Variants in ZDHHC18 observed in about 807,000 individuals in gnomAD.
ZDHHC18 encodes the protein palmitoyltransferase ZDHHC18.
Under a neutral mutation model 37.5 loss-of-function variants are expected in ZDHHC18, and 23 were observed. That is an observed-to-expected ratio of 0.61 (90% CI 0.44 to 0.87). The LOEUF is 0.87. Ranked by LOEUF, ZDHHC18 falls within the 40% of genes least tolerant of loss-of-function variation. ZDHHC18 has a pLI of 0.00. For synonymous variants in ZDHHC18, 185 were observed against 218.7 expected, an observed-to-expected ratio of 0.85 and a Z score of 1.36; for missense variants, 406 against 525.6, an observed-to-expected ratio of 0.77 and a Z score of 2.22.
intron 5 of ZDHHC18, 27 bp from the exon 6 acceptor site, chr1:26,851,102 C>G: frequency 1.2e-6 from 2 of 1,602,696 alleles, no homozygotes; most frequent in Non-Finnish European, 1.7e-6. Context: ...CCACCCTCCA[C>G]CCATTGAAGT....
intron 2 of ZDHHC18, among the ~76,000 whole-genome samples, chr1:26,848,315 G>GAA (rs35673760): frequency 2.2e-5 from 3 of 139,054 alleles, no homozygotes; most frequent in South Asian, 2.3e-4. Flanking sequence ...TCTGCCTCAG[G>GAA]AAAAAAAAAA....
In ZDHHC18 at chr1:26,850,483, GCAAGCT is replaced by G. The variant is rs2081697060; in HGVS notation, c.784+50_784+55del. On this transcript the variant is annotated intron_variant, in intron 4 of 7. Transcript: ENST00000374142. The surrounding 1 kb of genome is among the most constrained non-coding windows in gnomAD (Gnocchi z 6.1). The stretch of plus-strand genomic sequence containing the variant: ...AGTGGGGAGTGGAAGGGGTCAGCCA[GCAAGCT>G]CAAGGGTCAGCAAGCTTCAGCAGTC... The G allele has an allele frequency of 6.2e-7, 1 of 1,614,208 alleles. No homozygotes were observed. The highest frequency in any genetic ancestry group is 1.3e-5 in the African/African-American group (1 of 75,062).
Position 26,852,856 on chromosome 1 carries a change from T to C in ZDHHC18, c.1040T>C (p.Leu347Pro). ...TGCTGTGCTGTGCTCTGTGGCCCCC[T>C]ACCTCCCAGGTAAGTGAGCGGGGTG... ...TNCCAVLCGP[L>P]PPSLIDRRGF... Residue 347 changes from leucine to proline, a missense_variant, in exon 7 of 8, where the codon CTA becomes CCA. Leu to Pro is a moderately conservative substitution (Grantham distance 98). Transcript: ENST00000374142. The C allele has an allele frequency of 6.2e-7, 1 of 1,613,804 alleles. No individual in the cohort carries two copies. The highest frequency in any genetic ancestry group is 8.5e-7 in the Non-Finnish European group (1 of 1,179,796).
intron 2 of ZDHHC18, among the ~76,000 whole-genome samples, chr1:26,841,396 C>T (rs143504554): frequency 0.012 from 1,823 of 152,134 alleles, 39 homozygotes; most frequent in African/African-American, 0.042. Context: ...AGCCTCCCAA[C>T]GTGCTGGGAT....
At chr1:26,845,955 G>C (rs2081661697) in intron 2 of ZDHHC18, among the ~76,000 whole-genome samples, 1 of 151,814 alleles carries the variant, frequency 6.6e-6, no homozygotes, top group African/African-American at 2.4e-5. Context: ...GAATGAGTTT[G>C]TCAATTTTCA....
chr1:26,836,615 C>T (rs925026678), intron 2 of ZDHHC18, among the ~76,000 whole-genome samples: 2 of 147,362 alleles, frequency 1.4e-5, no homozygotes, highest in Admixed American at 1.4e-4. Context: ...GTTGCCCAGG[C>T]TGGAGTGCAG....
chr1:26,830,682 C>T (rs149138251), intron 1 of ZDHHC18, among the ~76,000 whole-genome samples: 261 of 152,276 alleles, frequency 1.7e-3, no homozygotes, highest in Non-Finnish European at 3.0e-3. Flanking sequence ...TCCTTGGTGC[C>T]AGGTGCTGTG....
chr1:26,848,596 T>C lies in ZDHHC18; in HGVS notation c.497-12T>C. ...TTGGGCATTCCCCATCTTTCTCTCC[T>C]CCTTCCCTCAGACAACACAGGCAGT... On this transcript the variant is annotated splice_polypyrimidine_tract_variant and intron_variant, in intron 2 of 7. Coordinates refer to ENST00000374142, the MANE Select transcript of ZDHHC18 (RefSeq NM_032283.3). 1 of 1,605,750 alleles carries C rather than the reference T, an allele frequency of 6.2e-7. No individual in the cohort carries two copies. Among genetic ancestry groups the C allele is most frequent in the Non-Finnish European group, 8.5e-7 (1 of 1,172,926 alleles).
rs1285817511 is a variant in ZDHHC18 at position 26,832,466 on chromosome 1, A to G, written c.355A>G (p.Lys119Glu). Residue 119 changes from lysine to glutamate, a missense_variant, in exon 2 of 8, where the codon AAG becomes GAG. Lys to Glu is a moderately conservative substitution (Grantham distance 56, BLOSUM62 1). Coordinates refer to ENST00000374142, the MANE Select transcript of ZDHHC18 (RefSeq NM_032283.3). ...FVFDCPYLAR[K>E]LTLAIPIIAA... ...TTCTAGCTGTCCCTACCTGGCTCGCAAGCTGACCCTTGCCATCCCCATCAT... is the reference window on the plus strand; with the variant it reads ...TTCTAGCTGTCCCTACCTGGCTCGCGAGCTGACCCTTGCCATCCCCATCAT... 1.2e-6 allele frequency: 2 copies of G among 1,613,956 alleles called. No homozygotes were observed. Among genetic ancestry groups the G allele is most frequent in the Non-Finnish European group, 1.7e-6 (2 of 1,180,010 alleles).
chr1:26,827,630 A>C (rs1368523320), intron 1 of ZDHHC18, among the ~76,000 whole-genome samples: 2 of 151,528 alleles, frequency 1.3e-5, no homozygotes, highest in Non-Finnish European at 2.9e-5. Context: ...TTGGCTGTGC[A>C]CACCCACCAT....
rs193046778 is a variant in ZDHHC18, at chr1:26,829,094, G to A, written c.335+1955G>A. On this transcript the variant is annotated intron_variant, in intron 1 of 7. Coordinates refer to ENST00000374142, the MANE Select transcript of ZDHHC18 (RefSeq NM_032283.3). The stretch of plus-strand genomic sequence containing the variant: ...GTGAACCATGTTGCAGTTTGTCCCC[G>A]CTTGTCCTCATTGGGGGCTGGTAGA... Among the ~76,000 whole-genome samples, 30 of 152,236 alleles carry A rather than the reference G, an allele frequency of 2.0e-4. No homozygotes were observed. The East Asian group carries it at 4.3e-3, about 22-fold the overall frequency.
At chr1:26,838,691 A>G (rs930820891) in intron 2 of ZDHHC18, among the ~76,000 whole-genome samples, 1 of 152,278 alleles carries the variant, frequency 6.6e-6, no homozygotes, top group Admixed American at 6.5e-5. Context: ...ACAATTGGCC[A>G]TGCCAGGGTT....
chr1:26,828,139 A>T (rs1342191849), intron 1 of ZDHHC18, among the ~76,000 whole-genome samples: 3 of 152,002 alleles, frequency 2.0e-5, no homozygotes, highest in African/African-American at 7.3e-5. Flanking sequence ...TTGTATTAGA[A>T]GTTTTCCACC....
intron 2 of ZDHHC18, among the ~76,000 whole-genome samples, chr1:26,835,365 A>G (rs774620790): frequency 1.3e-5 from 2 of 152,224 alleles, no homozygotes; most frequent in African/African-American, 2.4e-5. Context: ...ATAGAAGCCA[A>G]ATTTTTGGGT....
chr1:26,840,295 G>T (rs556770470), intron 2 of ZDHHC18, among the ~76,000 whole-genome samples: 2 of 152,312 alleles, frequency 1.3e-5, no homozygotes, highest in East Asian at 3.9e-4. Context: ...TGTTTGTTTG[G>T]AATGCAATGT....
In ZDHHC18 at chr1:26,832,494, C is replaced by A; in HGVS notation, c.383C>A (p.Ala128Asp). The A allele has an allele frequency of 6.2e-7, 1 of 1,614,188 alleles. No individual in the cohort carries two copies. The highest frequency in any genetic ancestry group is 8.5e-7 in the Non-Finnish European group (1 of 1,180,032). ...CTGACCCTTGCCATCCCCATCATCG[C>A]TGCCATCCTCTTCTTCTTCGTCATG... is the stretch of plus-strand genomic sequence containing the variant. The part of the protein sequence containing the change: ...RKLTLAIPII[A>D]AILFFFVMSC... The change falls in exon 2 of 8, where the codon GCT (alanine) becomes GAT (aspartate). Residue 128 changes from alanine to aspartate, a missense_variant. Ala to Asp is a moderately radical substitution (Grantham distance 126, BLOSUM62 -2). Coordinates refer to ENST00000374142, the MANE Select transcript of ZDHHC18 (RefSeq NM_032283.3).
At position 26,855,064 on chromosome 1, in the gene ZDHHC18, C is replaced by T. The variant is rs1390288669; in HGVS notation, c.*1221C>T. ...TCTATGGACTTCAGACAGCCAGTGT[C>T]TGGGGACTCTGCCACTCTACCCCCA... On this transcript the variant is annotated 3_prime_UTR_variant, in exon 8 of 8. Transcript: ENST00000374142. 6.6e-6 allele frequency: 1 copy of T among 152,348 alleles called. No individual in the cohort carries two copies. The highest frequency in any genetic ancestry group is 1.5e-5 in the Non-Finnish European group (1 of 68,126). The allele number at this position is 152,348 out of a possible 1,614,324, so 9.4% of individuals were successfully genotyped here.
Position 26,850,721 on chromosome 1 carries a change from C to A in ZDHHC18, c.833+115C>A. 1.6e-6 allele frequency: 2 copies of A among 1,239,342 alleles called. No individual in the cohort carries two copies. Among genetic ancestry groups the A allele is most frequent in the East Asian group, 2.5e-5 (1 of 39,856 alleles). The allele number at this position is 1,239,342 out of a possible 1,614,324, so 76.8% of individuals were successfully genotyped here. A position where few individuals can be genotyped will look rare whatever the true frequency, so the allele number is the denominator to read the frequency against. The stretch of plus-strand genomic sequence containing the variant: ...ACAGCGTACAGCTCACATGTGTCCT[C>A]CAGAATCCAACATGCCAGCTCTTCT... On this transcript the variant is annotated intron_variant, in intron 5 of 7. Coordinates refer to ENST00000374142, the MANE Select transcript of ZDHHC18 (RefSeq NM_032283.3). This position sits in a 1 kb window ranked among gnomAD's most constrained non-coding sequence, Gnocchi z 6.1.
intron 2 of ZDHHC18, among the ~76,000 whole-genome samples, chr1:26,833,867 A>T (rs1017735514): frequency 2.0e-5 from 3 of 151,192 alleles, no homozygotes; most frequent in African/African-American, 7.3e-5. Flanking sequence ...TTTCACTAAT[A>T]CTCTGTGCAG....
Sources: allele counts gnomAD v4.1 joint callset (sites outside exome capture counted in the v4.1 genomes callset), GRCh38; gene constraint gnomAD v4.1.1; non-coding constraint Gnocchi (gnomAD v3.1); transcripts MANE v1.5; gene names NCBI Gene and HGNC (gene_info 2026-07-23, HGNC 2026-07-21).